Variants in CNPY1 observed in about 807,000 individuals in gnomAD.
CNPY1 encodes the protein canopy FGF signaling regulator 1, also known as protein canopy homolog 1.
Under a neutral mutation model 14.4 loss-of-function variants are expected in CNPY1, and 14 were observed. The observed-to-expected ratio is 0.97, with a 90% CI of 0.64 to 1.52. CNPY1 has a LOEUF of 1.52. CNPY1 is among the 40% of genes most tolerant of loss of function. CNPY1 has a pLI of 0.00. For synonymous variants in CNPY1, 43 were observed against 46.5 expected, an observed-to-expected ratio of 0.92 and a Z score of 0.31; for missense variants, 129 against 131.5, an observed-to-expected ratio of 0.98 and a Z score of 0.09.
chr7:155,510,221 G>C (rs1679794138), intron 2 of CNPY1: 1 of 152,228 alleles, frequency 6.6e-6, no homozygotes, highest in Non-Finnish European at 1.5e-5. Context: ...GGCGCACAAA[G>C]GGTCTCCGCG....
intron 2 of CNPY1, chr7:155,518,717 G>A (rs747559124): frequency 5.3e-5 from 8 of 152,110 alleles, no homozygotes; most frequent in Non-Finnish European, 7.3e-5. Context: ...TAGATCCTTC[G>A]TGTCATTATT....
Position 155,545,835 on chromosome 7 carries a change from C to A in CNPY1, c.95G>T (p.Arg32Ile). 3 of 398,662 alleles carry A rather than the reference C, an allele frequency of 7.5e-6. No homozygotes were observed. The highest frequency in any genetic ancestry group is 1.3e-5 in the Non-Finnish European group (3 of 226,066). 24.7% of individuals were successfully genotyped at this position (398,662 alleles called of 1,614,324 possible). The change falls in exon 2 of 5, where the codon AGA (arginine) becomes ATA (isoleucine). Residue 32 changes from arginine (R) to isoleucine (I), a missense_variant. Coordinates refer to ENST00000636446, the MANE Select transcript of CNPY1 (RefSeq NM_001393663.1). ...ACATAATATCTTTTCCACTACCTTT[C>A]TCCTCTCCTGAGTCCCATCGGGATT... ...RINPDGTQER[R>I]KIPLAQSEAF... is the part of the protein sequence containing the mutation.
chr7:155,509,600 G>A (rs1006996018), intron 2 of CNPY1, among the ~76,000 whole-genome samples: 4 of 152,194 alleles, frequency 2.6e-5, no homozygotes, highest in Non-Finnish European at 4.4e-5. Flanking sequence ...TCGGGGAGAA[G>A]TTGGGGAGGC....
intron 2 of CNPY1, among the ~76,000 whole-genome samples, chr7:155,525,743 T>G (rs1321301340): frequency 6.6e-6 from 1 of 152,230 alleles, no homozygotes; most frequent in Non-Finnish European, 1.5e-5. Flanking sequence ...AATTCTGATC[T>G]TGTGGACTCT....
intron 2 of CNPY1, among the ~76,000 whole-genome samples, chr7:155,539,072 G>A (rs901207085): frequency 2.6e-5 from 4 of 152,062 alleles, no homozygotes; most frequent in Non-Finnish European, 5.9e-5. Context: ...CTGCCCAGCT[G>A]CGGTCCCTTG....
At chr7:155,508,851 C>G in intron 3 of CNPY1, 43 bp downstream of exon 3, 1 of 1,594,010 alleles carries the variant, frequency 6.3e-7, no homozygotes, top group Non-Finnish European at 8.5e-7. Context: ...TCCAAAAACA[C>G]GTTTCTGGAT....
chr7:155,529,828 G>C (rs965694458), intron 2 of CNPY1, among the ~76,000 whole-genome samples: 3 of 150,646 alleles, frequency 2.0e-5, no homozygotes, highest in African/African-American at 7.3e-5. Flanking sequence ...TGTCGCGCAC[G>C]CTGGAGTGCA....
intron 2 of CNPY1, among the ~76,000 whole-genome samples, chr7:155,530,296 C>CTTTTTTT (rs11386824): frequency 5.2e-5 from 5 of 96,928 alleles, no homozygotes; most frequent in South Asian, 4.0e-4. Flanking sequence ...CCAGCAGGGT[C>CTTTTTTT]TTTTTTTTTT....
At chr7:155,511,424 A>G (rs1022920045) in intron 2 of CNPY1, among the ~76,000 whole-genome samples, 7 of 152,218 alleles carry the variant, frequency 4.6e-5, no homozygotes, top group East Asian at 3.8e-4. Flanking sequence ...GCCTTCCACA[A>G]CTTACTTCTG....
intron 2 of CNPY1, among the ~76,000 whole-genome samples, chr7:155,524,186 T>C (rs1291333646): frequency 6.6e-6 from 1 of 152,232 alleles, no homozygotes; most frequent in African/African-American, 2.4e-5. Context: ...GAATTAATAA[T>C]GGAGTCCAAT....
intron 2 of CNPY1, among the ~76,000 whole-genome samples, chr7:155,528,922 A>T (rs775428556): frequency 6.6e-6 from 1 of 152,130 alleles, no homozygotes; most frequent in Non-Finnish European, 1.5e-5. Context: ...TTAGCCAGGC[A>T]TGGTGGCAGG....
chr7:155,546,263 T>C (rs1306064945), intron 1 of CNPY1, among the ~76,000 whole-genome samples, 166 bp downstream of exon 1: 2 of 151,822 alleles, frequency 1.3e-5, no homozygotes, highest in Non-Finnish European at 2.9e-5. Flanking sequence ...CTCAGCTCAC[T>C]GCAGCCTCAA....
intron 4 of CNPY1, among the ~76,000 whole-genome samples, chr7:155,503,504 A>C (rs1796190536): frequency 6.6e-6 from 1 of 152,186 alleles, no homozygotes; most frequent in Non-Finnish European, 1.5e-5. Flanking sequence ...TGATAATGCT[A>C]CTTTTCCAGT....
intron 2 of CNPY1, among the ~76,000 whole-genome samples, chr7:155,529,425 ACT>A (rs897299850): frequency 2.0e-5 from 3 of 151,626 alleles, no homozygotes; most frequent in African/African-American, 7.3e-5. Context: ...ACAAAAATTC[ACT>A]CTCTCACAGC....
At chr7:155,534,872 C>T (rs1397847886) in intron 2 of CNPY1, among the ~76,000 whole-genome samples, 1 of 152,210 alleles carries the variant, frequency 6.6e-6, no homozygotes, top group Non-Finnish European at 1.5e-5. Context: ...AGAGCTCAGC[C>T]TCTGCTCGGT....
At chr7:155,516,190 C>T (rs139959867) in intron 2 of CNPY1, among the ~76,000 whole-genome samples, 5 of 152,326 alleles carry the variant, frequency 3.3e-5, no homozygotes, top group African/African-American at 4.8e-5. Flanking sequence ...AAATCCACCC[C>T]CATGGGAGAC....
chr7:155,528,383 G>T (rs1443509841), intron 2 of CNPY1, among the ~76,000 whole-genome samples: 2 of 152,278 alleles, frequency 1.3e-5, no homozygotes, highest in Non-Finnish European at 2.9e-5. Context: ...TGTTCACATA[G>T]CTCTGACAAT....
rs1796339624 is a variant in CNPY1, at chr7:155,507,030, A to G, written c.390T>C (p.Ser130=). Residue 130 remains serine, a synonymous_variant, in exon 4 of 5, where the codon AGT becomes AGC. Coordinates refer to ENST00000636446, the MANE Select transcript of CNPY1 (RefSeq NM_001393663.1). ...CATCAGACACAGTACCTGATTTTTC[A>G]CTGCACAGCTTGTCAGCTAGATAGT... ...ETHYLADKLC[S]EKSDLCETSA... 6.2e-7 allele frequency: 1 copy of G among 1,608,008 alleles called. No individual in the cohort carries two copies. The highest frequency in any genetic ancestry group is 1.3e-5 in the African/African-American group (1 of 74,760).
rs191952098 is a variant in CNPY1, at chr7:155,531,683, A to T, written c.99+14148T>A. Among the ~76,000 whole-genome samples, 376 of 152,202 alleles carry T rather than the reference A, an allele frequency of 2.5e-3. 1 individual carries two copies. Among genetic ancestry groups the T allele is most frequent in the Non-Finnish European group, 3.7e-3 (254 of 68,014 alleles). On this transcript the variant is annotated intron_variant, in intron 2 of 4. Transcript: ENST00000636446. Reference sequence around the variant, plus strand: ...CTGTTTCCTAAGAGCAGCCCTGTTGACCCTTTGGGAGCTTTCTCTGCATTC... The same window carrying T: ...CTGTTTCCTAAGAGCAGCCCTGTTGTCCCTTTGGGAGCTTTCTCTGCATTC...
Sources: allele counts gnomAD v4.1 joint callset (sites outside exome capture counted in the v4.1 genomes callset), GRCh38; gene constraint gnomAD v4.1.1; transcripts MANE v1.5; gene names NCBI Gene and HGNC (gene_info 2026-07-23, HGNC 2026-07-21).